Variants in KDM3B observed in about 807,000 individuals in gnomAD.
KDM3B encodes the protein lysine-specific demethylase 3B.
KDM3B carries 10 observed loss-of-function variants against 170.0 expected under a neutral mutation model. The ratio of observed to expected loss-of-function variants is 0.06; its 90% CI spans 0.04 to 0.10. The LOEUF (loss-of-function observed/expected upper bound fraction) is 0.10. KDM3B is among the 10% of genes least tolerant of loss of function. The probability of loss-of-function intolerance (pLI) is 1.00; values close to 1 mark genes in which losing one functional copy is unlikely to be tolerated. For missense variants in KDM3B, 1,394 were observed against 2,195.2 expected (o/e 0.64, Z 7.29); for synonymous variants, 831 against 834.8 (o/e 1.00, Z 0.08).
chr5:138,399,033 C>T (rs1184415962), intron 10 of KDM3B, among the ~76,000 whole-genome samples: 6 of 151,366 alleles, frequency 4.0e-5, no homozygotes, highest in Admixed American at 6.6e-5. Flanking sequence ...GGACTACAGG[C>T]GCCCACCACC....
Position 138,386,066 on chromosome 5 carries a change from G to A in KDM3B, c.825G>A (p.Lys275=). The A allele has an allele frequency of 6.2e-7, 1 of 1,612,774 alleles. No individual in the cohort carries two copies. Among genetic ancestry groups the A allele is most frequent in the Non-Finnish European group, 8.5e-7 (1 of 1,179,486 alleles). The stretch of plus-strand genomic sequence containing the variant: ...TAAAATCTTCCAAAGGAAAGAAGAA[G>A]AGAGAAAGCATAGAGGGGAAAGATG... ...KAVKSSKGKK[K]RESIEGKDGR... Residue 275 remains lysine, a synonymous_variant, in exon 7 of 24, where the codon AAG becomes AAA. Coordinates refer to ENST00000314358, the MANE Select transcript of KDM3B (RefSeq NM_016604.4).
chr5:138,374,271 G>A (rs1354964601), intron 2 of KDM3B: 2 of 439,962 alleles, frequency 4.5e-6, no homozygotes, highest in Non-Finnish European at 9.1e-6. Flanking sequence ...TTTTGTTGTT[G>A]TTGTTGTTAA....
Position 138,364,250 on chromosome 5 carries a change from A to AT in KDM3B, c.193-8420dup, listed in dbSNP as rs1214280867. Among the ~76,000 whole-genome samples the AT allele has an allele frequency of 3.9e-5, 6 of 152,154 alleles. No homozygotes were observed. In the East Asian group the frequency reaches 1.2e-3, roughly 29 times the overall value. On this transcript the variant is annotated intron_variant, in intron 1 of 23. Coordinates refer to ENST00000314358, the MANE Select transcript of KDM3B (RefSeq NM_016604.4). Reference sequence around the variant, plus strand: ...TTTCCTTTTTTACTAAAAATTATTCATTTTATGGGTGATTTTAATTTTCTT... The same window carrying AT: ...TTTCCTTTTTTACTAAAAATTATTCATTTTTATGGGTGATTTTAATTTTCTT...
chr5:138,393,457 T>G (rs1561775432), intron 9 of KDM3B, 85 bp downstream of exon 9: 8 of 1,153,202 alleles, frequency 6.9e-6, no homozygotes, highest in Admixed American at 4.2e-5. Context: ...ATAAACATGT[T>G]TCATCATCTT....
At chr5:138,412,882 A>G (rs538167795) in intron 11 of KDM3B, among the ~76,000 whole-genome samples, 23 of 152,282 alleles carry the variant, frequency 1.5e-4, no homozygotes, top group Non-Finnish European at 2.9e-4. Flanking sequence ...CGCTCAAGCG[A>G]TTCTTCCACA....
Position 138,424,072 on chromosome 5 carries a change from C to T in KDM3B, c.3973-3C>T. The T allele has an allele frequency of 6.5e-7, 1 of 1,544,240 alleles. No homozygotes were observed. The highest frequency in any genetic ancestry group is 8.8e-7 in the Non-Finnish European group (1 of 1,142,610). ...GCTTACCTGGTGGATTTGTGTCTGGCAGGGAGTGAAGAGCAAGGCCAGCCT... is the reference window on the plus strand; with the variant it reads ...GCTTACCTGGTGGATTTGTGTCTGGTAGGGAGTGAAGAGCAAGGCCAGCCT... On this transcript the variant is annotated splice_polypyrimidine_tract_variant and splice_region_variant and intron_variant, in intron 15 of 23. Transcript: ENST00000314358.
At chr5:138,425,295 G>A in intron 16 of KDM3B, 116 bp from the exon 17 acceptor site, 3 of 867,440 alleles carry the variant, frequency 3.5e-6, no homozygotes, top group Non-Finnish European at 3.5e-6. Context: ...GGAAAGAACA[G>A]TAGAGCTTCC....
intron 9 of KDM3B, among the ~76,000 whole-genome samples, chr5:138,396,278 G>A (rs902868042): frequency 6.6e-6 from 1 of 151,982 alleles, no homozygotes; most frequent in Non-Finnish European, 1.5e-5. Flanking sequence ...TATATTTTTA[G>A]TAGAGACAGG....
intron 11 of KDM3B, among the ~76,000 whole-genome samples, chr5:138,411,153 C>T (rs1304955302): frequency 2.0e-5 from 3 of 151,974 alleles, no homozygotes; most frequent in Non-Finnish European, 4.4e-5. Context: ...GACCACGGTC[C>T]ACCTGGCAAC....
intron 7 of KDM3B, among the ~76,000 whole-genome samples, chr5:138,388,078 C>T (rs1378052103): frequency 6.6e-6 from 1 of 150,902 alleles, no homozygotes; most frequent in Non-Finnish European, 1.5e-5. Context: ...AAGACTATGT[C>T]TCAAAAAAAC....
intron 15 of KDM3B, among the ~76,000 whole-genome samples, chr5:138,422,891 G>A (rs1032071157): frequency 1.3e-5 from 2 of 152,134 alleles, no homozygotes; most frequent in Non-Finnish European, 2.9e-5. Flanking sequence ...GTGATGAACT[G>A]TGGGTGACTG....
At chr5:138,403,012 G>A (rs1042324658) in intron 11 of KDM3B, among the ~76,000 whole-genome samples, 2 of 152,174 alleles carry the variant, frequency 1.3e-5, no homozygotes, top group African/African-American at 4.8e-5. Context: ...CCTTCAGAAA[G>A]CAATTGACTG....
chr5:138,424,843 T>C (rs2126999549), intron 16 of KDM3B, among the ~76,000 whole-genome samples: 1 of 152,332 alleles, frequency 6.6e-6, no homozygotes, highest in African/African-American at 2.4e-5. Context: ...TTGCATCCTC[T>C]TGTTTCTAAG....
intron 8 of KDM3B, 151 bp from the exon 9 acceptor site, chr5:138,393,020 T>C: frequency 1.5e-6 from 1 of 663,072 alleles, no homozygotes; most frequent in Non-Finnish European, 2.6e-6. Flanking sequence ...TGCTTTCCCT[T>C]CCTGTCAAGG....
chr5:138,354,858 A>T (rs1383835405), intron 1 of KDM3B, among the ~76,000 whole-genome samples: 1 of 152,244 alleles, frequency 6.6e-6, no homozygotes, highest in Non-Finnish European at 1.5e-5. Flanking sequence ...TCTTACATGT[A>T]TATCCAGGGA....
At position 138,391,279 on chromosome 5, in the gene KDM3B, T is replaced by C; in HGVS notation, c.1647T>C (p.Asp549=). The change falls in exon 8 of 24, where the codon GAT becomes GAC. Residue 549 remains aspartate (D), a synonymous_variant. Transcript: ENST00000314358. This position sits in a 1 kb window ranked among gnomAD's most constrained non-coding sequence, Gnocchi z 5.0. ...YFTTVSESLA[D]DSSSRDSFKQ... ...CTACTGTTTCAGAGAGTTTGGCTGA[T>C]GATTCTTCTAGTCGGGACTCATTCA... 1.3e-5 allele frequency: 21 copies of C among 1,614,230 alleles called. No individual in the cohort carries two copies. Among genetic ancestry groups the C allele is most frequent in the Non-Finnish European group, 1.8e-5 (21 of 1,180,048 alleles).
At chr5:138,417,631 A>G in intron 13 of KDM3B, 21 bp downstream of exon 13, 3 of 1,607,250 alleles carry the variant, frequency 1.9e-6, no homozygotes, top group South Asian at 2.2e-5. Context: ...GTGTGTGGGT[A>G]TAACTAAGTG....
intron 1 of KDM3B, among the ~76,000 whole-genome samples, chr5:138,365,723 G>T (rs1761727910): frequency 6.6e-6 from 1 of 151,858 alleles, no homozygotes; most frequent in South Asian, 2.1e-4. Flanking sequence ...TTTAGTCCAG[G>T]GGCAGTGGTT....
At position 138,391,204 on chromosome 5, in the gene KDM3B, C is replaced by T. The variant is rs1580908713; in HGVS notation, c.1572C>T (p.Asn524=). The T allele has an allele frequency of 1.2e-6, 2 of 1,613,996 alleles. No homozygotes were observed. Among genetic ancestry groups the T allele is most frequent in the Middle Eastern group, 1.7e-4 (1 of 6,060 alleles). The change falls in exon 8 of 24, where the codon AAC becomes AAT. Residue 524 remains asparagine (N), a synonymous_variant. Coordinates refer to ENST00000314358, the MANE Select transcript of KDM3B (RefSeq NM_016604.4). This position sits in a 1 kb window ranked among gnomAD's most constrained non-coding sequence, Gnocchi z 5.0. ...AGAAAGACACTGATCTCTCCAAAAA[C>T]TTGTTTTTTCAATGCATGTCCCAAA... is the stretch of plus-strand genomic sequence containing the variant. ...EAQKDTDLSK[N]LFFQCMSQTL...
Sources: gnomAD v4.1 joint callset for allele counts (sites outside exome capture counted in the v4.1 genomes callset) on GRCh38, gnomAD v4.1.1 for gene constraint, Gnocchi (gnomAD v3.1) non-coding constraint, MANE v1.5 for transcripts, NCBI Gene and HGNC (gene_info 2026-07-23, HGNC 2026-07-21) for gene names.